The following XPO5 variants were observed in gnomAD, a reference collection of about 807,000 sequenced individuals.
The protein encoded by XPO5 is exportin 5.
XPO5 carries 46 observed loss-of-function variants against 160.6 expected under a neutral mutation model. The ratio of observed to expected loss-of-function variants is 0.29; its 90% CI spans 0.23 to 0.37. The LOEUF (loss-of-function observed/expected upper bound fraction) is 0.37, where lower values mean the gene tolerates loss of function less well. Among genes scored for constraint, XPO5 ranks in the 10% least tolerant of loss-of-function variants. XPO5 has a pLI of 1.00. For missense variants in XPO5, 1,090 were observed against 1,463.9 expected (o/e 0.74, Z 4.17); for synonymous variants, 537 against 519.3 (o/e 1.03, Z -0.46).
chr6:43,539,239 G>C, intron 20 of XPO5: 1 of 1,304,460 alleles, frequency 7.7e-7, no homozygotes, highest in South Asian at 1.2e-5. Context: ...TGGCCAGGAT[G>C]ATGGCCCCAC....
chr6:43,565,116 T>G (rs113448512), intron 8 of XPO5, among the ~76,000 whole-genome samples: 4,966 of 151,870 alleles, frequency 0.033, 260 homozygotes, highest in African/African-American at 0.11. Context: ...GAGATGGGGT[T>G]TCACCGTGTT....
In XPO5 at chr6:43,544,263, C is replaced by T. The variant is rs570497672; in HGVS notation, c.2342+2308G>A. 5.0e-4 allele frequency: 81 copies of T among 161,862 alleles called. 1 individual carries two copies. The highest frequency in any genetic ancestry group is 8.9e-4 in the South Asian group (5 of 5,640). 10.0% of individuals were successfully genotyped at this position (161,862 alleles called of 1,614,324 possible). On this transcript the variant is annotated intron_variant, in intron 20 of 31. Transcript: ENST00000265351. ...ATAAATTCAAGACCTACTTATCTAC[C>T]GACAGCAATTATACACTTTCCATTG...
intron 13 of XPO5, 189 bp downstream of exon 13, chr6:43,555,647 A>C: frequency 1.7e-6 from 1 of 583,374 alleles, no homozygotes; most frequent in East Asian, 3.2e-5. Flanking sequence ...TTTAAAACAA[A>C]TTTAAAATGT....
intron 27 of XPO5, 59 bp from the exon 28 acceptor site, chr6:43,525,980 GT>G: frequency 6.3e-7 from 1 of 1,592,074 alleles, no homozygotes; most frequent in Middle Eastern, 1.8e-4. Flanking sequence ...AGAATATCTT[GT>G]TCTGACAGAA....
intron 20 of XPO5, among the ~76,000 whole-genome samples, chr6:43,543,270 T>C (rs1466307331): frequency 2.6e-5 from 4 of 152,018 alleles, no homozygotes; most frequent in Non-Finnish European, 4.4e-5. Flanking sequence ...CTCAGCAACA[T>C]AGAGAGAACC....
At chr6:43,529,909 C>CAAA (rs1191727799) in intron 23 of XPO5, among the ~76,000 whole-genome samples, 4,108 of 97,430 alleles carry the variant, frequency 0.042, 316 homozygotes, top group African/African-American at 0.15. Context: ...GACCCTGTCT[C>CAAA]AAAAAAAAAA....
intron 10 of XPO5, 58 bp from the exon 11 acceptor site, chr6:43,560,361 A>G (rs1762354907): frequency 1.3e-6 from 2 of 1,513,508 alleles, no homozygotes; most frequent in African/African-American, 2.8e-5. Context: ...AACCCAGATT[A>G]TTACTTAGCA....
chr6:43,569,308 AC>A (rs200839931), intron 5 of XPO5, among the ~76,000 whole-genome samples: 2,467 of 148,720 alleles, frequency 0.017, 37 homozygotes, highest in African/African-American at 0.028. Flanking sequence ...AAAAAAAACA[AC>A]AAAAAAAAAT....
At chr6:43,546,776 ATAAATAT>A in intron 19 of XPO5, 24 bp from the exon 20 acceptor site, 1 of 1,515,092 alleles carries the variant, frequency 6.6e-7, no homozygotes, top group African/African-American at 1.4e-5. Flanking sequence ...AGAATGACAG[ATAAATAT>A]TAAAAGGAAA....
At chr6:43,532,370 A>C (rs774524073) in intron 21 of XPO5, among the ~76,000 whole-genome samples, 1 of 152,180 alleles carries the variant, frequency 6.6e-6, no homozygotes, top group Non-Finnish European at 1.5e-5. Flanking sequence ...TTGCTTGACC[A>C]CAGCCGGGCT....
At chr6:43,553,653 C>T (rs1795368204) in intron 13 of XPO5, 150 bp from the exon 14 acceptor site, 2 of 1,393,178 alleles carry the variant, frequency 1.4e-6, no homozygotes, top group South Asian at 1.7e-5. Flanking sequence ...TAACCCCTCT[C>T]AGCTGGGGCA....
At chr6:43,542,693 T>G (rs1403015238) in intron 20 of XPO5, among the ~76,000 whole-genome samples, 1 of 152,168 alleles carries the variant, frequency 6.6e-6, no homozygotes, top group Non-Finnish European at 1.5e-5. Flanking sequence ...CCCAAAGTGC[T>G]TGGATTACAG....
intron 19 of XPO5, 75 bp downstream of exon 19, chr6:43,547,533 G>A: frequency 7.2e-7 from 1 of 1,396,486 alleles, no homozygotes; most frequent in Non-Finnish European, 1.0e-6. Flanking sequence ...ACAAATCTAT[G>A]AGAAACTTGA....
At chr6:43,527,863 A>C (rs1483732999) in intron 25 of XPO5, 132 bp from the exon 26 acceptor site, 1 of 906,554 alleles carries the variant, frequency 1.1e-6, no homozygotes, top group East Asian at 2.6e-5. Flanking sequence ...AAAGTTGGGA[A>C]TGGACAGCAG....
At chr6:43,568,942 A>T (rs1313921155) in intron 5 of XPO5, among the ~76,000 whole-genome samples, 1 of 152,284 alleles carries the variant, frequency 6.6e-6, no homozygotes, top group Admixed American at 6.5e-5. Context: ...AATTAAATGA[A>T]TACAATTCAT....
intron 9 of XPO5, chr6:43,561,451 T>A (rs1762412265): frequency 6.4e-6 from 1 of 156,822 alleles, no homozygotes; most frequent in African/African-American, 2.4e-5. Context: ...CGATCTCGGC[T>A]CACTGCAACC....
At position 43,538,139 on chromosome 6, in the gene XPO5, CTTTTTTTTTTTTTTTT is replaced by C. The variant is rs1160662301; in HGVS notation, c.2343-4148_2343-4133del. On this transcript the variant is annotated intron_variant, in intron 20 of 31. Coordinates refer to ENST00000265351, the MANE Select transcript of XPO5 (RefSeq NM_020750.3). ...TATAAATTTAGAGCCTAAGAGACAT[CTTTTTTTTTTTTTTTT>C]TTTTTTTTTTTTGAAACAGAGATTT... 1.6e-4 allele frequency among the ~76,000 whole-genome samples: 8 copies of C among 48,942 alleles called. No homozygotes were observed. The East Asian group carries it at 4.0e-3, about 24-fold the overall frequency. 32.1% of individuals were successfully genotyped at this position (48,942 alleles called of 152,430 possible).
chr6:43,536,050 G>A (rs1244812191), intron 20 of XPO5, among the ~76,000 whole-genome samples: 1 of 147,580 alleles, frequency 6.8e-6, no homozygotes, highest in Non-Finnish European at 1.5e-5. Flanking sequence ...TTGAATCCAG[G>A]TGAGCCAAGA....
rs1392761254 is a variant in XPO5, at chr6:43,561,004, C to T, written c.1015G>A (p.Ala339Thr). The change falls in exon 10 of 32, where the codon GCA becomes ACA. Residue 339 changes from alanine (A) to threonine (T), a missense_variant. Ala to Thr is a moderately conservative substitution (Grantham distance 58). This residue lies in a region of XPO5 where 810 missense variants were observed against 1,139.0 expected (regional missense o/e 0.71). Transcript: ENST00000265351. Reference protein sequence around the residue: ...LGNQLCALLGADSDVETPSNF... With the variant: ...LGNQLCALLGTDSDVETPSNF... ...GATGGTGTTTCTACATCAGAATCTG[C>T]ACCCTGTAGGAGAAGACCACTATAT... 1 of 1,613,450 alleles carries T rather than the reference C, an allele frequency of 6.2e-7. No homozygotes were observed. Among genetic ancestry groups the T allele is most frequent in the South Asian group, 1.1e-5 (1 of 91,062 alleles).
Sources: allele counts gnomAD v4.1 joint callset (sites outside exome capture counted in the v4.1 genomes callset), GRCh38; gene constraint gnomAD v4.1.1; regional missense constraint gnomAD v4.1.1; transcripts MANE v1.5; gene names NCBI Gene and HGNC (gene_info 2026-07-23, HGNC 2026-07-21).